Variants in PPFIA3 observed in about 807,000 individuals in gnomAD.
The protein encoded by PPFIA3 is liprin-alpha-3.
A neutral mutation model predicts 145.8 loss-of-function variants in PPFIA3; 26 were observed. The ratio of observed to expected loss-of-function variants is 0.18; its 90% CI spans 0.13 to 0.25. The LOEUF (loss-of-function observed/expected upper bound fraction) is 0.25. Ranked by LOEUF, PPFIA3 falls within the 10% of genes least tolerant of loss-of-function variation. The pLI is 1.00. For missense variants in PPFIA3, 1,008 were observed against 1,587.8 expected (o/e 0.63, Z 6.21); for synonymous variants, 645 against 661.4 (o/e 0.98, Z 0.38).
chr19:49,144,136 G>A (rs2041255532), intron 21 of PPFIA3, among the ~76,000 whole-genome samples: 1 of 151,796 alleles, frequency 6.6e-6, no homozygotes, highest in Admixed American at 6.6e-5. Flanking sequence ...TCAACCTTCC[G>A]AGTAGCTGGG....
chr19:49,138,968 C>CT (rs1237145485), intron 16 of PPFIA3, among the ~76,000 whole-genome samples: 2 of 126,554 alleles, frequency 1.6e-5, no homozygotes, highest in African/African-American at 5.6e-5. Context: ...GAAACTGTGT[C>CT]TCAAAAAAAA....
intron 1 of PPFIA3, among the ~76,000 whole-genome samples, chr19:49,121,488 T>A (rs1438873362): frequency 2.2e-4 from 33 of 151,944 alleles, no homozygotes; most frequent in Admixed American, 1.5e-3. Flanking sequence ...TAAAAAAAAA[T>A]TTTTTTGGCC....
chr19:49,148,282 G>A, intron 24 of PPFIA3, 24 bp downstream of exon 24: 12 of 1,608,414 alleles, frequency 7.5e-6, no homozygotes, highest in Non-Finnish European at 1.0e-5. Flanking sequence ...GGCCAGTGGG[G>A]ACAGTCCAAA....
chr19:49,125,685 G>C (rs1382850938), intron 1 of PPFIA3, among the ~76,000 whole-genome samples: 2 of 152,178 alleles, frequency 1.3e-5, no homozygotes, highest in African/African-American at 4.8e-5. Flanking sequence ...TGGGACTTCT[G>C]GGTCTAAGCG....
chr19:49,122,638 CCT>C (rs1324231606), intron 1 of PPFIA3, among the ~76,000 whole-genome samples: 3 of 152,028 alleles, frequency 2.0e-5, no homozygotes, highest in African/African-American at 7.2e-5. Context: ...AATGCCCTTC[CCT>C]GTTTCCCTGT....
chr19:49,132,355 C>T (rs2041083987), intron 7 of PPFIA3, among the ~76,000 whole-genome samples: 1 of 125,806 alleles, frequency 7.9e-6, no homozygotes, highest in Non-Finnish European at 1.6e-5. Context: ...CACCACTGCA[C>T]TCTAGCCTGG....
chr19:49,140,231 C>G lies in PPFIA3; in HGVS notation c.2368+143C>G, dbSNP rs1050137738. On this transcript the variant is annotated intron_variant, in intron 18 of 29. Transcript: ENST00000334186. ...TATTTAGAATTTGGAAGGAACACAGCTTGCCAAGGTAGGCGGGAGGAGGAG... is the reference window on the plus strand; with the variant it reads ...TATTTAGAATTTGGAAGGAACACAGGTTGCCAAGGTAGGCGGGAGGAGGAG... 3.5e-6 allele frequency: 4 copies of G among 1,138,280 alleles called. No individual in the cohort carries two copies. The Admixed American group carries it at 9.9e-5, about 28-fold the overall frequency. The allele number at this position is 1,138,280 out of a possible 1,614,324, so 70.5% of individuals were successfully genotyped here.
At chr19:49,148,500 C>T (rs2041304835) in intron 24 of PPFIA3, 166 bp from the exon 25 acceptor site, 2 of 714,982 alleles carry the variant, frequency 2.8e-6, no homozygotes, top group Non-Finnish European at 4.6e-6. Flanking sequence ...GTAGGAAGTG[C>T]CTATTATTGA....
chr19:49,128,194 G>A lies in PPFIA3; in HGVS notation c.240+81G>A. The A allele has an allele frequency of 3.4e-6, 5 of 1,467,714 alleles. No homozygotes were observed. Among genetic ancestry groups the A allele is most frequent in the Non-Finnish European group, 4.5e-6 (5 of 1,104,158 alleles). The allele number at this position is 1,467,714 out of a possible 1,614,324, so 90.9% of individuals were successfully genotyped here. On this transcript the variant is annotated intron_variant, in intron 2 of 29. Coordinates refer to ENST00000334186, the MANE Select transcript of PPFIA3 (RefSeq NM_003660.4). This position sits in a 1 kb window ranked among gnomAD's most constrained non-coding sequence, Gnocchi z 4.1. The stretch of plus-strand genomic sequence containing the variant: ...CGGTCCGGAAGGGGCCGGGCTTGGC[G>A]CCTGGAAGGGAGGAGTCTGGGCGAG...
In PPFIA3 at chr19:49,128,192, G is replaced by C; in HGVS notation, c.240+79G>C. On this transcript the variant is annotated intron_variant, in intron 2 of 29. Coordinates refer to ENST00000334186, the MANE Select transcript of PPFIA3 (RefSeq NM_003660.4). This position sits in a 1 kb window ranked among gnomAD's most constrained non-coding sequence, Gnocchi z 4.1. ...GGCGGTCCGGAAGGGGCCGGGCTTG[G>C]CGCCTGGAAGGGAGGAGTCTGGGCG... is the stretch of plus-strand genomic sequence containing the variant. 1 of 1,470,944 alleles carries C rather than the reference G, an allele frequency of 6.8e-7. No individual in the cohort carries two copies. The highest frequency in any genetic ancestry group is 9.0e-7 in the Non-Finnish European group (1 of 1,107,730). The allele number at this position is 1,470,944 out of a possible 1,614,324, so 91.1% of individuals were successfully genotyped here. A position where few individuals can be genotyped will look rare whatever the true frequency, so the allele number is the denominator to read the frequency against.
intron 1 of PPFIA3, among the ~76,000 whole-genome samples, chr19:49,127,182 G>C (rs1008995457): frequency 2.0e-5 from 3 of 151,032 alleles, no homozygotes; most frequent in Admixed American, 2.0e-4. Flanking sequence ...AGGAGTTCGA[G>C]ACCAGCCTGG....
At chr19:49,129,243 C>T (rs4802567) in intron 4 of PPFIA3, 137 bp from the exon 5 acceptor site, 596,490 of 1,006,484 alleles carry the variant, frequency 0.59, 181,736 homozygotes, top group African/African-American at 0.86. Flanking sequence ...TAGCTGGTTG[C>T]GGCTGCATAC....
At chr19:49,127,402 A>AG (rs2041014270) in intron 1 of PPFIA3, among the ~76,000 whole-genome samples, 1 of 150,056 alleles carries the variant, frequency 6.7e-6, no homozygotes, top group Non-Finnish European at 1.5e-5. Flanking sequence ...AAAAAAAAAA[A>AG]AAAAAGAAAG....
At position 49,150,126 on chromosome 19, in the gene PPFIA3, C is replaced by T; in HGVS notation, c.3573C>T (p.Thr1191=). The T allele has an allele frequency of 6.2e-7, 1 of 1,610,666 alleles. No homozygotes were observed. The highest frequency in any genetic ancestry group is 8.5e-7 in the Non-Finnish European group (1 of 1,178,892). Residue 1191 remains threonine, a synonymous_variant, in exon 29 of 30, where the codon ACC becomes ACT. Transcript: ENST00000334186. ...SSRADGVSVR[T]YSC is the part of the protein sequence containing the mutation. ...GGGCAGACGGCGTTTCGGTCCGGAC[C>T]TATTCCTGCTAGTGCAGGCCTCCAG...
intron 24 of PPFIA3, 136 bp downstream of exon 24, chr19:49,148,394 C>A: frequency 9.9e-7 from 1 of 1,012,610 alleles, no homozygotes; most frequent in Non-Finnish European, 1.4e-6. Context: ...GAAATCCTGA[C>A]TCTGTGCTCC....
Position 49,128,992 on chromosome 19 carries a change from C to A in PPFIA3, c.487C>A (p.His163Asn). ...AGCTCTAAAGTCTCTCTTCGAGCACCACAAGGCCCTGGATGAGAAGGTATG... is the reference window on the plus strand; with the variant it reads ...AGCTCTAAAGTCTCTCTTCGAGCACAACAAGGCCCTGGATGAGAAGGTATG... ...LKALKSLFEH[H>N]KALDEKVRER... The change falls in exon 4 of 30, where the codon CAC becomes AAC. Residue 163 changes from histidine to asparagine, a missense_variant. His to Asn is a moderately conservative substitution (Grantham distance 68). Coordinates refer to ENST00000334186, the MANE Select transcript of PPFIA3 (RefSeq NM_003660.4). This position sits in a 1 kb window ranked among gnomAD's most constrained non-coding sequence, Gnocchi z 4.1. 1 of 1,603,284 alleles carries A rather than the reference C, an allele frequency of 6.2e-7. No homozygotes were observed. The highest frequency in any genetic ancestry group is 8.5e-7 in the Non-Finnish European group (1 of 1,174,870).
At chr19:49,126,576 T>C (rs1350493102) in intron 1 of PPFIA3, among the ~76,000 whole-genome samples, 2 of 151,184 alleles carry the variant, frequency 1.3e-5, no homozygotes, top group Non-Finnish European at 3.0e-5. Flanking sequence ...TTTTTTTTTT[T>C]TTTTCTTTTC....
intron 21 of PPFIA3, among the ~76,000 whole-genome samples, chr19:49,143,624 C>T (rs2041249396): frequency 6.6e-6 from 1 of 152,210 alleles, no homozygotes; most frequent in African/African-American, 2.4e-5. Context: ...CCGCCCGCCT[C>T]GGCCTCCCAA....
In PPFIA3 at chr19:49,133,470, C is replaced by A. The variant is rs2041099839; in HGVS notation, c.1161+99C>A. 1 of 1,384,552 alleles carries A rather than the reference C, an allele frequency of 7.2e-7. No homozygotes were observed. Among genetic ancestry groups the A allele is most frequent in the Admixed American group, 2.8e-5 (1 of 36,174 alleles). 85.8% of individuals were successfully genotyped at this position (1,384,552 alleles called of 1,614,324 possible). A position where few individuals can be genotyped will look rare whatever the true frequency, so the allele number is the denominator to read the frequency against. ...GGAGGGGTAGGAGCGAGGTCAGAAC[C>A]CCGGATTTGGGGGAAAGGGTGGGGC... On this transcript the variant is annotated intron_variant, in intron 9 of 29. Coordinates refer to ENST00000334186, the MANE Select transcript of PPFIA3 (RefSeq NM_003660.4). The surrounding 1 kb of genome is among the most constrained non-coding windows in gnomAD (Gnocchi z 7.2).
Sources: allele counts gnomAD v4.1 joint callset (sites outside exome capture counted in the v4.1 genomes callset), GRCh38; gene constraint gnomAD v4.1.1; non-coding constraint Gnocchi (gnomAD v3.1); transcripts MANE v1.5; gene names NCBI Gene and HGNC (gene_info 2026-07-23, HGNC 2026-07-21).